The following LRP1B variants were observed in gnomAD, a reference collection of about 807,000 sequenced individuals.
LRP1B encodes the protein low-density lipoprotein receptor-related protein 1B.
A neutral mutation model predicts 556.6 loss-of-function variants in LRP1B; 217 were observed. The ratio of observed to expected loss-of-function variants is 0.39; its 90% CI spans 0.35 to 0.44. LRP1B has a LOEUF of 0.44. LRP1B is among the 20% of genes least tolerant of loss of function. LRP1B has a pLI of 1.00. For missense variants in LRP1B, 5,053 were observed against 5,620.8 expected, an observed-to-expected ratio of 0.90 and a Z score of 3.23; for synonymous variants, 2,047 against 1,865.8, an observed-to-expected ratio of 1.10 and a Z score of -2.50.
At chr2:141,671,790 G>A (rs1283685067) in intron 2 of LRP1B, among the ~76,000 whole-genome samples, 1 of 150,756 alleles carries the variant, frequency 6.6e-6, no homozygotes, top group Non-Finnish European at 1.5e-5. Context: ...AATGCTATCA[G>A]CAAACATACA....
intron 7 of LRP1B, among the ~76,000 whole-genome samples, chr2:141,111,454 A>G (rs1700747597): frequency 6.6e-6 from 1 of 152,190 alleles, no homozygotes; most frequent in African/African-American, 2.4e-5. Context: ...GAAAGGAGTT[A>G]GCCAGCTTGC....
chr2:141,682,155 T>C (rs1006773246), intron 2 of LRP1B, among the ~76,000 whole-genome samples: 2 of 152,048 alleles, frequency 1.3e-5, no homozygotes, highest in Admixed American at 1.3e-4. Context: ...AGTTTAGGGA[T>C]ATAGAAAATG....
intron 7 of LRP1B, among the ~76,000 whole-genome samples, chr2:141,149,196 T>G (rs907945837): frequency 6.6e-5 from 10 of 151,132 alleles, no homozygotes; most frequent in African/African-American, 1.5e-4. Context: ...GTTTTTTTTG[T>G]TTTGTTTTGT....
intron 15 of LRP1B, among the ~76,000 whole-genome samples, chr2:140,995,107 G>A (rs577008746): frequency 6.6e-6 from 1 of 152,100 alleles, no homozygotes; most frequent in East Asian, 1.9e-4. Flanking sequence ...CCTGAAACCA[G>A]TTTTATTGAA....
intron 16 of LRP1B, among the ~76,000 whole-genome samples, chr2:140,990,265 GACTTC>G (rs1303001748): frequency 6.6e-6 from 1 of 151,920 alleles, no homozygotes; most frequent in East Asian, 1.9e-4. Context: ...ACCAACTGGA[GACTTC>G]ACTTAAAAAT....
At chr2:142,128,057 A>G (rs554078456) in intron 1 of LRP1B, among the ~76,000 whole-genome samples, 11 of 152,260 alleles carry the variant, frequency 7.2e-5, no homozygotes, top group African/African-American at 2.6e-4. Flanking sequence ...TTACATGTAC[A>G]TTAGTTTAGC....
chr2:141,188,462 C>T lies in LRP1B; in HGVS notation c.972G>A (p.Glu324=), dbSNP rs2105193155. 1 of 1,612,626 alleles carries T rather than the reference C, an allele frequency of 6.2e-7. No individual in the cohort carries two copies. Among genetic ancestry groups the T allele is most frequent in the Non-Finnish European group, 8.5e-7 (1 of 1,179,162 alleles). Residue 324 remains glutamate (E), a synonymous_variant, in exon 7 of 91, where the codon GAG becomes GAA. Coordinates refer to ENST00000389484, the MANE Select transcript of LRP1B (RefSeq NM_018557.3). ...GSVCVTLIDL[E]LHNPKAIAVD... ...CTGCTATTGCTTTAGGATTGTGAAGCTCCAGATCAATCAGGGTGACACATA... is the reference window on the plus strand; with the variant it reads ...CTGCTATTGCTTTAGGATTGTGAAGTTCCAGATCAATCAGGGTGACACATA...
chr2:140,348,663 T>C (rs902389978), intron 77 of LRP1B, among the ~76,000 whole-genome samples: 1 of 152,104 alleles, frequency 6.6e-6, no homozygotes, highest in African/African-American at 2.4e-5. Flanking sequence ...TTCAAATAAG[T>C]CTAATCAACA....
chr2:141,572,970 A>G (rs908276787), intron 2 of LRP1B, among the ~76,000 whole-genome samples: 1 of 152,198 alleles, frequency 6.6e-6, no homozygotes, highest in Non-Finnish European at 1.5e-5. Context: ...TTAGAGACCT[A>G]CAAAGAGACA....
intron 1 of LRP1B, among the ~76,000 whole-genome samples, chr2:142,036,719 C>G (rs893239735): frequency 1.3e-5 from 2 of 151,486 alleles, no homozygotes; most frequent in South Asian, 2.1e-4. Flanking sequence ...AAATATAGAG[C>G]TTCTAAATCT....
intron 2 of LRP1B, among the ~76,000 whole-genome samples, chr2:141,577,160 T>C (rs1031470854): frequency 2.0e-5 from 3 of 152,188 alleles, no homozygotes; most frequent in Admixed American, 1.3e-4. Flanking sequence ...ATCTGTAAAG[T>C]AGTAGCATAG....
intron 1 of LRP1B, among the ~76,000 whole-genome samples, chr2:142,023,112 G>A (rs1703393449): frequency 6.6e-6 from 1 of 152,132 alleles, no homozygotes; most frequent in Non-Finnish European, 1.5e-5. Flanking sequence ...ATTGACTCTT[G>A]TTCTATACCT....
intron 3 of LRP1B, among the ~76,000 whole-genome samples, chr2:141,255,787 C>T (rs1684439263): frequency 6.6e-6 from 1 of 151,714 alleles, no homozygotes; most frequent in African/African-American, 2.4e-5. Context: ...TTGGATTTCA[C>T]AGTTAGTTGA....
chr2:141,164,165 C>CA, intron 7 of LRP1B, among the ~76,000 whole-genome samples: 1 of 151,906 alleles, frequency 6.6e-6, no homozygotes, highest in Non-Finnish European at 1.5e-5. Context: ...AGAAGCAAGT[C>CA]AAAATCTTTC....
chr2:140,444,184 C>A (rs1302583494), intron 65 of LRP1B, 146 bp downstream of exon 65: 6 of 769,244 alleles, frequency 7.8e-6, no homozygotes, highest in South Asian at 2.3e-5. Flanking sequence ...AGCTTCTATC[C>A]CAGTTGGCAT....
chr2:140,640,546 C>T (rs1684255761), intron 41 of LRP1B, among the ~76,000 whole-genome samples: 1 of 150,594 alleles, frequency 6.6e-6, no homozygotes, highest in African/African-American at 2.4e-5. Context: ...CAGGCGCCCG[C>T]CACCATGCCC....
Position 140,289,885 on chromosome 2 carries a change from G to GT in LRP1B, c.12967+7922dup, listed in dbSNP as rs111911355. Among the ~76,000 whole-genome samples, 19 of 151,918 alleles carry GT rather than the reference G, an allele frequency of 1.3e-4. 2 individuals are homozygous for GT. Among genetic ancestry groups the GT allele is most frequent in the African/African-American group, 3.6e-4 (15 of 41,458 alleles). ...TTCCTTTAATCTTTGAAACTGGAAT[G>GT]TAAGCACCCAGTTTCTCATGGACCA... is the stretch of plus-strand genomic sequence containing the variant. On this transcript the variant is annotated intron_variant, in intron 84 of 90. Coordinates refer to ENST00000389484, the MANE Select transcript of LRP1B (RefSeq NM_018557.3).
At chr2:140,339,172 A>T (rs540629692) in intron 77 of LRP1B, among the ~76,000 whole-genome samples, 6 of 151,836 alleles carry the variant, frequency 4.0e-5, no homozygotes, top group African/African-American at 1.2e-4. Context: ...TGACAGCTTG[A>T]TTGTAACAAA....
chr2:141,880,292 A>T (rs1212934665), intron 1 of LRP1B, among the ~76,000 whole-genome samples: 2 of 151,454 alleles, frequency 1.3e-5, no homozygotes, highest in African/African-American at 4.9e-5. Flanking sequence ...AATGCACCTA[A>T]TATTTGGCTA....
Sources: allele counts gnomAD v4.1 joint callset (sites outside exome capture counted in the v4.1 genomes callset), GRCh38; gene constraint gnomAD v4.1.1; transcripts MANE v1.5; gene names NCBI Gene and HGNC (gene_info 2026-07-23, HGNC 2026-07-21).